C1orf159: variants seen among roughly 807,000 people sequenced by gnomAD.
C1orf159 encodes chromosome 1 open reading frame 159, also known as uncharacterized protein C1orf159.
In C1orf159, 19 loss-of-function variants were observed where a neutral mutation model predicts 25.6. That is an observed-to-expected ratio of 0.74 (90% CI 0.52 to 1.09). The LOEUF (loss-of-function observed/expected upper bound fraction) is 1.09. Among genes scored for constraint, C1orf159 ranks in the 50% least tolerant of loss-of-function variants. The probability of loss-of-function intolerance (pLI) is 0.00; values close to 1 mark genes in which losing one functional copy is unlikely to be tolerated. For synonymous variants in C1orf159, 139 were observed against 124.7 expected, an observed-to-expected ratio of 1.12 and a Z score of -0.77; for missense variants, 274 against 290.6, an observed-to-expected ratio of 0.94 and a Z score of 0.42.
intron 9 of C1orf159, chr1:1,084,113 T>A: frequency 6.3e-7 from 1 of 1,579,472 alleles, no homozygotes; most frequent in Non-Finnish European, 8.6e-7. Flanking sequence ...AGCATGGAAG[T>A]CACGGGGATT....
intron 9 of C1orf159, 23 bp downstream of exon 9, chr1:1,084,330 G>T: frequency 6.5e-7 from 1 of 1,536,968 alleles, no homozygotes; most frequent in Non-Finnish European, 8.8e-7. Flanking sequence ...AACCCCACAG[G>T]GGGATGCGAC....
At chr1:1,090,518 C>T (rs1645911812) in intron 3 of C1orf159, 90 bp from the exon 4 acceptor site, 3 of 1,335,300 alleles carry the variant, frequency 2.2e-6, no homozygotes, top group Middle Eastern at 1.8e-4. Context: ...GCCGTGGGAG[C>T]ACATCTCAAT....
chr1:1,084,718 G>A (rs967717237), intron 7 of C1orf159, among the ~76,000 whole-genome samples: 10 of 152,078 alleles, frequency 6.6e-5, no homozygotes, highest in South Asian at 2.1e-4. Context: ...ACATTCCTCC[G>A]GGGCACTCAC....
intron 1 of C1orf159, among the ~76,000 whole-genome samples, chr1:1,101,181 T>G (rs1057470982): frequency 1.3e-5 from 2 of 152,182 alleles, no homozygotes; most frequent in African/African-American, 2.4e-5. Context: ...TCTTCTGGTC[T>G]CCATAATTAC....
At chr1:1,098,637 G>C (rs1241204611) in intron 1 of C1orf159, among the ~76,000 whole-genome samples, 1 of 152,040 alleles carries the variant, frequency 6.6e-6, no homozygotes, top group Non-Finnish European at 1.5e-5. Context: ...TTTTGTTTTT[G>C]AGAAGAGTTT....
In C1orf159 at chr1:1,084,360, C is replaced by T. The variant is rs1253233795; in HGVS notation, c.495G>A (p.Gln165=). 1 of 1,561,080 alleles carries T rather than the reference C, an allele frequency of 6.4e-7. No homozygotes were observed. Among genetic ancestry groups the T allele is most frequent in the Non-Finnish European group, 8.7e-7 (1 of 1,152,476 alleles). ...TGCGACAGCTGCTGTTACCTGAGGA[C>T]TGTGGCGGGGGGATCATTGCAGCCT... ...GEAAAMIPPP[Q]SSVRKPRYVR... Residue 165 remains glutamine, a synonymous_variant, in exon 9 of 10, where the codon CAG becomes CAA. Transcript: ENST00000421241.
chr1:1,095,548 A>C (rs937263526), intron 1 of C1orf159, among the ~76,000 whole-genome samples: 2 of 152,250 alleles, frequency 1.3e-5, no homozygotes, highest in Non-Finnish European at 2.9e-5. Context: ...TTCACTTAAT[A>C]GTTCTAGCAA....
At chr1:1,105,058 G>A (rs1335165538) in intron 1 of C1orf159, among the ~76,000 whole-genome samples, 2 of 152,206 alleles carry the variant, frequency 1.3e-5, no homozygotes, top group Non-Finnish European at 2.9e-5. Context: ...TAAATATGAG[G>A]AAAAGACTTG....
At chr1:1,091,375 C>A in intron 3 of C1orf159, 97 bp downstream of exon 3, 2 of 1,174,550 alleles carry the variant, frequency 1.7e-6, no homozygotes, top group Non-Finnish European at 2.5e-6. Flanking sequence ...CATCAGTGTC[C>A]TAAAGGTGGA....
chr1:1,087,995 CAG>C lies in C1orf159; in HGVS notation c.149-400_149-399del, dbSNP rs1239473597. On this transcript the variant is annotated intron_variant, in intron 4 of 9. Transcript: ENST00000421241. This position sits in a 1 kb window ranked among gnomAD's most constrained non-coding sequence, Gnocchi z 8.3. ...CCTGAGTACTCCACACTGCGTACTT[CAG>C]AGAGTGGTAGGCGGCAGCATCCAGA... is the stretch of plus-strand genomic sequence containing the variant. 6.6e-6 allele frequency among the ~76,000 whole-genome samples: 1 copy of C among 151,980 alleles called. No individual in the cohort carries two copies. The highest frequency in any genetic ancestry group is 1.5e-5 in the Non-Finnish European group (1 of 67,996).
At chr1:1,104,825 A>G (rs1002378850) in intron 1 of C1orf159, among the ~76,000 whole-genome samples, 1 of 152,140 alleles carries the variant, frequency 6.6e-6, no homozygotes, top group Non-Finnish European at 1.5e-5. Flanking sequence ...AAGGAAAAAA[A>G]AAAAGCTTTG....
At chr1:1,109,242 T>C (rs1646225269) in intron 1 of C1orf159, among the ~76,000 whole-genome samples, 2 of 152,194 alleles carry the variant, frequency 1.3e-5, no homozygotes, top group Non-Finnish European at 2.9e-5. Flanking sequence ...GAATGAACCT[T>C]GAAAACACTA....
At chr1:1,093,109 G>T (rs1360021905) in intron 1 of C1orf159, among the ~76,000 whole-genome samples, 1 of 151,928 alleles carries the variant, frequency 6.6e-6, no homozygotes, top group South Asian at 2.1e-4. Flanking sequence ...GATGGAACGT[G>T]TTGAAGTCAC....
intron 6 of C1orf159, 77 bp from the exon 7 acceptor site, chr1:1,086,089 C>A: frequency 6.5e-7 from 1 of 1,539,604 alleles, no homozygotes; most frequent in Non-Finnish European, 8.8e-7. Context: ...GCCCCCTGCA[C>A]ATGGCAGATG....
chr1:1,098,011 T>C (rs369740573), intron 1 of C1orf159, among the ~76,000 whole-genome samples: 20 of 152,188 alleles, frequency 1.3e-4, no homozygotes, highest in African/African-American at 4.6e-4. Context: ...ATGTTATATT[T>C]TCATTATTAT....
rs1396007676 is a variant in C1orf159, at chr1:1,089,817, C to T, written c.148+536G>A. 6.6e-6 allele frequency among the ~76,000 whole-genome samples: 1 copy of T among 152,212 alleles called. No homozygotes were observed. Among genetic ancestry groups the T allele is most frequent in the Non-Finnish European group, 1.5e-5 (1 of 68,040 alleles). ...CACTGGCTGCCCTCACCAGCCTCAA[C>T]CTCCTGACACCCAGCTGCCCCCAGA... is the stretch of plus-strand genomic sequence containing the variant. On this transcript the variant is annotated intron_variant, in intron 4 of 9. Transcript: ENST00000421241. This position sits in a 1 kb window ranked among gnomAD's most constrained non-coding sequence, Gnocchi z 7.5.
At chr1:1,096,243 G>A (rs190420363) in intron 1 of C1orf159, among the ~76,000 whole-genome samples, 99 of 152,314 alleles carry the variant, frequency 6.5e-4, no homozygotes, top group Non-Finnish European at 1.1e-3. Context: ...TGCCAGGCTG[G>A]AGTGTAGTGG....
chr1:1,097,176 G>A (rs966427294), intron 1 of C1orf159, among the ~76,000 whole-genome samples: 1 of 150,762 alleles, frequency 6.6e-6, no homozygotes, highest in African/African-American at 2.4e-5. Context: ...GCATGATCTC[G>A]GCTCACTGCA....
intron 1 of C1orf159, among the ~76,000 whole-genome samples, chr1:1,114,173 C>T (rs533002000): frequency 3.0e-4 from 46 of 152,092 alleles, no homozygotes; most frequent in Admixed American, 2.0e-3. Flanking sequence ...CCTCCCCCCA[C>T]GGCCTTGCAA....
Sources: allele counts gnomAD v4.1 joint callset (sites outside exome capture counted in the v4.1 genomes callset), GRCh38; gene constraint gnomAD v4.1.1; non-coding constraint Gnocchi (gnomAD v3.1); transcripts MANE v1.5; gene names NCBI Gene and HGNC (gene_info 2026-07-23, HGNC 2026-07-21).